RGP1: variants seen among roughly 807,000 people sequenced by gnomAD.
The protein encoded by RGP1 is RAB6A-GEF complex partner protein 2.
RGP1 carries 28 observed loss-of-function variants against 44.5 expected under a neutral mutation model. The ratio of observed to expected loss-of-function variants is 0.63; its 90% CI spans 0.47 to 0.86. The LOEUF is 0.86. Among genes scored for constraint, RGP1 ranks in the 40% least tolerant of loss-of-function variants. The probability of loss-of-function intolerance (pLI) is 0.00; values close to 1 mark genes in which losing one functional copy is unlikely to be tolerated. For synonymous variants in RGP1, 212 were observed against 196.7 expected, an observed-to-expected ratio of 1.08 and a Z score of -0.65; for missense variants, 417 against 490.7, an observed-to-expected ratio of 0.85 and a Z score of 1.42.
At chr9:35,787,938 C>T in the RGP1 span, among the ~76,000 whole-genome samples, 1 of 152,170 alleles carries the variant, frequency 6.6e-6, no homozygotes, top group African/African-American at 2.4e-5. Context: ...CTAGTCAGGT[C>T]AGCAGAGAAG....
chr9:35,775,742 A>G, the RGP1 span, among the ~76,000 whole-genome samples: 1 of 152,224 alleles, frequency 6.6e-6, no homozygotes, highest in East Asian at 1.9e-4. Context: ...AAAATTTGAA[A>G]ACCTTTACAC....
the RGP1 span, among the ~76,000 whole-genome samples, chr9:35,785,344 G>C: frequency 2.6e-5 from 4 of 152,010 alleles, no homozygotes; most frequent in African/African-American, 9.7e-5. Flanking sequence ...AGGTGCCTCA[G>C]GGGTTCTGTT....
At chr9:35,750,490 T>C in intron 3 of RGP1, 111 bp downstream of exon 3, 1 of 1,373,776 alleles carries the variant, frequency 7.3e-7, no homozygotes, top group Admixed American at 1.9e-5. Context: ...GTCCCTGTCA[T>C]GCTGGGGATG....
the RGP1 span, among the ~76,000 whole-genome samples, chr9:35,781,946 C>G: frequency 6.7e-6 from 1 of 149,580 alleles, no homozygotes; most frequent in African/African-American, 2.5e-5. Flanking sequence ...ATTGAAATAC[C>G]TGTTTTTAAA....
Position 35,752,053 on chromosome 9 carries a change from C to T in RGP1, c.860C>T (p.Ala287Val), listed in dbSNP as rs747934891. Residue 287 changes from alanine to valine, a missense_variant, in exon 8 of 9, where the codon GCC becomes GTC. Coordinates refer to ENST00000378078, the MANE Select transcript of RGP1 (RefSeq NM_001080496.3). ...GVPSVSHVTH[A>V]RHQESCLHTT... ...CCCTCTGTGTCACATGTGACTCACG[C>T]CCGGCACCAGGAATCCTGCCTACAT... is the stretch of plus-strand genomic sequence containing the variant. 6.8e-6 allele frequency: 11 copies of T among 1,611,240 alleles called. No homozygotes were observed. The Admixed American group carries it at 1.7e-4, about 25-fold the overall frequency.
chr9:35,770,449 C>T, the RGP1 span, among the ~76,000 whole-genome samples: 1 of 147,298 alleles, frequency 6.8e-6, no homozygotes, highest in African/African-American at 2.5e-5. Context: ...ATTCTTGGCA[C>T]ATAGAAATTG....
chr9:35,787,067 T>C, the RGP1 span, among the ~76,000 whole-genome samples: 1 of 151,188 alleles, frequency 6.6e-6, no homozygotes, highest in Non-Finnish European at 1.5e-5. Flanking sequence ...GCCACTGCAC[T>C]GTAGCCTGGG....
the RGP1 span, among the ~76,000 whole-genome samples, chr9:35,777,500 G>T: frequency 0.011 from 1,586 of 148,966 alleles, 8 homozygotes; most frequent in African/African-American, 0.018. Context: ...TATATATAGA[G>T]AGAGAGATAG....
chr9:35,770,098 C>G, the RGP1 span, among the ~76,000 whole-genome samples: 2 of 151,906 alleles, frequency 1.3e-5, no homozygotes, highest in Non-Finnish European at 2.9e-5. Context: ...GTTAATTAGT[C>G]CAGATGAAGG....
chr9:35,752,192 T>C, intron 8 of RGP1, 47 bp downstream of exon 8: 3 of 1,493,990 alleles, frequency 2.0e-6, no homozygotes, highest in Non-Finnish European at 2.7e-6. Flanking sequence ...GACAGTAAAA[T>C]GCTGTGCTAA....
chr9:35,762,210 A>T (rs777204859), downstream of RGP1, among the ~76,000 whole-genome samples: 1 of 152,208 alleles, frequency 6.6e-6, no homozygotes, highest in Non-Finnish European at 1.5e-5. Flanking sequence ...ATACAAGGAA[A>T]TAAGGCAGAC....
At chr9:35,789,554 T>A in the RGP1 span, among the ~76,000 whole-genome samples, 1 of 150,818 alleles carries the variant, frequency 6.6e-6, no homozygotes, top group Non-Finnish European at 1.5e-5. Context: ...ACTGGCCAAC[T>A]GGGAGGAAAA....
the RGP1 span, among the ~76,000 whole-genome samples, chr9:35,772,752 C>T: frequency 4.1e-5 from 6 of 147,546 alleles, no homozygotes; most frequent in Admixed American, 1.4e-4. Context: ...GATCGGACCA[C>T]GGCACTCCAG....
At chr9:35,788,771 C>T in the RGP1 span, among the ~76,000 whole-genome samples, 1 of 152,084 alleles carries the variant, frequency 6.6e-6, no homozygotes, top group East Asian at 1.9e-4. Context: ...TCACCAAATA[C>T]AGCCAAAATA....
At position 35,749,453 on chromosome 9, in the gene RGP1, G is replaced by A. The variant is rs1220382933; in HGVS notation, c.-20+45G>A. 1 of 611,486 alleles carries A rather than the reference G, an allele frequency of 1.6e-6. No homozygotes were observed. Among genetic ancestry groups the A allele is most frequent in the East Asian group, 4.0e-5 (1 of 24,858 alleles). 37.9% of individuals were successfully genotyped at this position (611,486 alleles called of 1,614,324 possible). On this transcript the variant is annotated intron_variant, in intron 1 of 8. Coordinates refer to ENST00000378078, the MANE Select transcript of RGP1 (RefSeq NM_001080496.3). This position sits in a 1 kb window ranked among gnomAD's most constrained non-coding sequence, Gnocchi z 4.4. Reference sequence around the variant, plus strand: ...TTGGGCTGGGACGTGGAACTTTGAGGAAAGGGGGAGCGGAGGCCAGTTTGG... The same window carrying A: ...TTGGGCTGGGACGTGGAACTTTGAGAAAAGGGGGAGCGGAGGCCAGTTTGG...
the RGP1 span, among the ~76,000 whole-genome samples, chr9:35,782,578 T>C: frequency 6.6e-6 from 1 of 152,002 alleles, no homozygotes; most frequent in Non-Finnish European, 1.5e-5. Context: ...CCCAAGTAGC[T>C]GGGATCACAG....
chr9:35,759,767 T>C (rs1827402658), downstream of RGP1, among the ~76,000 whole-genome samples: 1 of 151,876 alleles, frequency 6.6e-6, no homozygotes, highest in Non-Finnish European at 1.5e-5. Flanking sequence ...ATATAATTAT[T>C]GATCTCCTTC....
chr9:35,751,589 A>G lies in RGP1; in HGVS notation c.635-38A>G, dbSNP rs772653574. 8.7e-6 allele frequency: 14 copies of G among 1,613,452 alleles called. No homozygotes were observed. The South Asian group carries it at 1.2e-4, about 14-fold the overall frequency. On this transcript the variant is annotated intron_variant, in intron 6 of 8. Coordinates refer to ENST00000378078, the MANE Select transcript of RGP1 (RefSeq NM_001080496.3). ...TGCCCAGTCCTAGACGTTATCCAGT[A>G]TGTAGACTCCAGGCTTATAGTGTCC...
the RGP1 span, among the ~76,000 whole-genome samples, chr9:35,785,792 T>G: frequency 2.6e-5 from 4 of 152,210 alleles, no homozygotes; most frequent in African/African-American, 4.8e-5. Context: ...CCTTTGCCTT[T>G]GCAACCCCTG....
Sources: gnomAD v4.1 joint callset for allele counts (sites outside exome capture counted in the v4.1 genomes callset) on GRCh38, gnomAD v4.1.1 for gene constraint, Gnocchi (gnomAD v3.1) non-coding constraint, MANE v1.5 for transcripts, NCBI Gene and HGNC (gene_info 2026-07-23, HGNC 2026-07-21) for gene names.